Variants in CCNH observed in about 807,000 individuals in gnomAD.
CCNH encodes the protein cyclin H, also known as cyclin-H.
In CCNH, 31 loss-of-function variants were observed where a neutral mutation model predicts 41.9. The observed-to-expected ratio is 0.74, with a 90% confidence interval of 0.56 to 1.00. The LOEUF (loss-of-function observed/expected upper bound fraction) is 1.00, where lower values mean the gene tolerates loss of function less well. CCNH is among the 50% of genes least tolerant of loss of function. The probability of loss-of-function intolerance (pLI) is 0.00; values close to 1 mark genes in which losing one functional copy is unlikely to be tolerated. For missense variants in CCNH, 362 were observed against 388.4 expected (o/e 0.93, Z 0.57); for synonymous variants, 138 against 136.1 (o/e 1.01, Z -0.10).
rs750287852 is a variant in CCNH at position 87,409,379 on chromosome 5, A to G, written c.241-16T>C. On this transcript the variant is annotated splice_polypyrimidine_tract_variant and intron_variant, in intron 2 of 8. Coordinates refer to ENST00000256897, the MANE Select transcript of CCNH (RefSeq NM_001239.4). ...AAGCCGTACCCTAAGGGTTAAAAAA[A>G]ATATATCATCAGGATCTAGTCACAA... The G allele has an allele frequency of 1.4e-6, 2 of 1,381,322 alleles. No individual in the cohort carries two copies. The highest frequency in any genetic ancestry group is 2.9e-5 in the African/African-American group (2 of 69,638). The allele number at this position is 1,381,322 out of a possible 1,614,324, so 85.6% of individuals were successfully genotyped here. A position where few individuals can be genotyped will look rare whatever the true frequency, so the allele number is the denominator to read the frequency against.
downstream of CCNH, chr5:87,375,025 G>C (rs1761226546): frequency 7.4e-7 from 1 of 1,356,934 alleles, no homozygotes; most frequent in African/African-American, 1.5e-5. Flanking sequence ...AATGCAAGTA[G>C]TATAATTTGA....
At chr5:87,326,341 T>A (rs886248526) in intron 9 of CCNH, among the ~76,000 whole-genome samples, 4 of 152,220 alleles carry the variant, frequency 2.6e-5, no homozygotes, top group Admixed American at 6.5e-5. Context: ...TGACTTTTTT[T>A]AATTGTTCAC....
downstream of CCNH, among the ~76,000 whole-genome samples, chr5:87,388,735 C>CA (rs556800506): frequency 9.0e-3 from 1,373 of 152,302 alleles, 1 homozygote; most frequent in African/African-American, 0.031. Flanking sequence ...GTTCTCATTG[C>CA]ATTTTCATAG....
At chr5:87,315,576 A>AAAG (rs1394489949), downstream of CCNH, among the ~76,000 whole-genome samples, 2 of 152,246 alleles carry the variant, frequency 1.3e-5, no homozygotes, top group African/African-American at 4.8e-5. Flanking sequence ...TTGTGTTTTT[A>AAAG]AAGAAGTGTG....
intron 9 of CCNH, among the ~76,000 whole-genome samples, chr5:87,367,883 G>A (rs932094043): frequency 1.6e-4 from 25 of 151,908 alleles, no homozygotes; most frequent in African/African-American, 4.4e-4. Flanking sequence ...TTTTCTCTTA[G>A]AGGTAATGTA....
chr5:87,389,537 C>G (rs768479962), downstream of CCNH: 23 of 1,613,406 alleles, frequency 1.4e-5, no homozygotes, highest in Admixed American at 3.3e-5. Context: ...GGTAGGCTTT[C>G]GCCAGCCTTC....
downstream of CCNH, among the ~76,000 whole-genome samples, chr5:87,316,925 C>T (rs543115758): frequency 4.6e-5 from 7 of 151,976 alleles, no homozygotes; most frequent in South Asian, 4.2e-4. Flanking sequence ...CTCTGTTGCC[C>T]AGGCCAGAGT....
At chr5:87,367,063 T>A (rs1330606352) in intron 9 of CCNH, among the ~76,000 whole-genome samples, 5 of 151,824 alleles carry the variant, frequency 3.3e-5, no homozygotes, top group South Asian at 2.1e-4. Context: ...ACAACAAAAA[T>A]TTTTTTTTCA....
upstream of CCNH, among the ~76,000 whole-genome samples, chr5:87,378,708 T>C (rs552319088): frequency 3.3e-5 from 5 of 152,316 alleles, no homozygotes; most frequent in South Asian, 8.3e-4. Flanking sequence ...AAAATGGACT[T>C]CTTAAAAAAG....
intron 9 of CCNH, among the ~76,000 whole-genome samples, chr5:87,334,326 T>C (rs1757806551): frequency 6.6e-6 from 1 of 152,182 alleles, no homozygotes; most frequent in Non-Finnish European, 1.5e-5. Context: ...GGGATGAATT[T>C]CTTCCTCCTC....
chr5:87,345,985 T>C (rs1310569760), intron 9 of CCNH, among the ~76,000 whole-genome samples: 1 of 152,164 alleles, frequency 6.6e-6, no homozygotes, highest in Non-Finnish European at 1.5e-5. Context: ...TATATCCTTT[T>C]ATTTGAAGGT....
chr5:87,410,186 T>C (rs1764120789), intron 2 of CCNH, among the ~76,000 whole-genome samples: 1 of 152,224 alleles, frequency 6.6e-6, no homozygotes, highest in African/African-American at 2.4e-5. Context: ...AGTTTAGTTT[T>C]GTCATTATGT....
intron 9 of CCNH, among the ~76,000 whole-genome samples, chr5:87,345,170 G>C (rs1255489582): frequency 6.6e-6 from 1 of 151,908 alleles, no homozygotes; most frequent in Admixed American, 6.6e-5. Flanking sequence ...ATAAGAGCAG[G>C]GACTCATCTT....
chr5:87,359,072 T>C (rs979292184), intron 9 of CCNH, among the ~76,000 whole-genome samples: 1 of 152,188 alleles, frequency 6.6e-6, no homozygotes, highest in Non-Finnish European at 1.5e-5. Context: ...CTGGTTAGAA[T>C]ACAAGTTCCA....
intron 9 of CCNH, among the ~76,000 whole-genome samples, chr5:87,384,057 A>G (rs1580404521): frequency 6.6e-6 from 1 of 151,998 alleles, no homozygotes; most frequent in Admixed American, 6.6e-5. Context: ...AACCTTTATA[A>G]TAAGTGACTT....
upstream of CCNH, chr5:87,380,440 C>T: frequency 4.3e-6 from 6 of 1,380,108 alleles, no homozygotes; most frequent in Non-Finnish European, 6.2e-6. Flanking sequence ...GTAAATTAAG[C>T]TTTTGGCTGC....
In CCNH at chr5:87,394,347, T is replaced by C; in HGVS notation, c.*99A>G. The C allele has an allele frequency of 3.4e-6, 5 of 1,478,900 alleles. No individual in the cohort carries two copies. Among genetic ancestry groups the C allele is most frequent in the South Asian group, 1.4e-5 (1 of 70,386 alleles). 91.6% of individuals were successfully genotyped at this position (1,478,900 alleles called of 1,614,324 possible). On this transcript the variant is annotated 3_prime_UTR_variant, in exon 9 of 9. Transcript: ENST00000256897. ...AAAACAATAGAAAAGTTTTAATATA[T>C]TTTATGTTTTCACATTATACTTTTT...
intron 9 of CCNH, among the ~76,000 whole-genome samples, chr5:87,384,798 A>C (rs138226863): frequency 1.2e-3 from 190 of 152,202 alleles, no homozygotes; most frequent in African/African-American, 4.1e-3. Flanking sequence ...AAGTTTATTA[A>C]ATTTCATGTT....
At chr5:87,344,678 ATTTTTTT>A (rs113174684) in intron 9 of CCNH, among the ~76,000 whole-genome samples, 5,440 of 131,214 alleles carry the variant, frequency 0.041, 188 homozygotes, top group African/African-American at 0.093. Flanking sequence ...AAATGTTGTA[ATTTTTTT>A]TTTTTTTTTT....
Sources: allele counts gnomAD v4.1 joint callset (sites outside exome capture counted in the v4.1 genomes callset), GRCh38; gene constraint gnomAD v4.1.1; transcripts MANE v1.5; gene names NCBI Gene and HGNC (gene_info 2026-07-23, HGNC 2026-07-21).